Variants in RELN observed in about 807,000 individuals in gnomAD.
RELN encodes the protein reelin.
RELN carries 108 observed loss-of-function variants against 427.6 expected under a neutral mutation model. That is an observed-to-expected ratio of 0.25 (90% CI 0.22 to 0.30). The LOEUF is 0.30. Among genes scored for constraint, RELN ranks in the 10% least tolerant of loss-of-function variants. The pLI is 1.00. For missense variants in RELN, 3,715 were observed against 4,302.8 expected (o/e 0.86, Z 3.82); for synonymous variants, 1,524 against 1,513.4 (o/e 1.01, Z -0.16).
chr7:103,490,740 G>C lies in RELN; in HGVS notation c.9533C>G (p.Thr3178Ser), dbSNP rs765348857. The change falls in exon 59 of 65, where the codon ACC becomes AGC. Residue 3178 changes from threonine to serine, a missense_variant. By Grantham distance (58) the Thr-to-Ser change is moderately conservative (BLOSUM62 1). Coordinates refer to ENST00000428762, the MANE Select transcript of RELN (RefSeq NM_005045.4). Reference sequence around the variant, plus strand: ...TGAGCTGTTGACAGAGTTGTAGATGGTGGCTTCATGGAACTGGAAAGGGGA... The same window carrying C: ...TGAGCTGTTGACAGAGTTGTAGATGCTGGCTTCATGGAACTGGAAAGGGGA... ...GCSPFQFHEA[T>S]IYNSVNSSSW... 1.2e-6 allele frequency: 2 copies of C among 1,614,210 alleles called. No homozygotes were observed. The highest frequency in any genetic ancestry group is 2.2e-5 in the South Asian group (2 of 91,082).
intron 28 of RELN, among the ~76,000 whole-genome samples, chr7:103,588,195 A>G (rs1831322636): frequency 6.6e-6 from 1 of 152,200 alleles, no homozygotes; most frequent in Non-Finnish European, 1.5e-5. Flanking sequence ...GCCATAGAGA[A>G]GAATGAAATC....
chr7:103,910,231 A>G (rs1382879463), intron 2 of RELN, among the ~76,000 whole-genome samples: 4 of 137,358 alleles, frequency 2.9e-5, no homozygotes, highest in African/African-American at 1.1e-4. Flanking sequence ...GTTGGTGTAT[A>G]AGAATGCTTG....
intron 41 of RELN, among the ~76,000 whole-genome samples, chr7:103,546,825 A>T (rs552243506): frequency 6.6e-6 from 1 of 152,348 alleles, no homozygotes; most frequent in Admixed American, 6.5e-5. Context: ...ATTTTATCTC[A>T]TCAGAAACAG....
In RELN at chr7:103,944,820, G is replaced by C. The variant is rs527530195; in HGVS notation, c.227-27635C>G. On this transcript the variant is annotated intron_variant, in intron 1 of 64. Coordinates refer to ENST00000428762, the MANE Select transcript of RELN (RefSeq NM_005045.4). Reference sequence around the variant, plus strand: ...GAAACCACTGAAAATCCTGACACTGGCTACGCTTTGGGTGTTTGATATGGC... The same window carrying C: ...GAAACCACTGAAAATCCTGACACTGCCTACGCTTTGGGTGTTTGATATGGC... 5.3e-5 allele frequency among the ~76,000 whole-genome samples: 8 copies of C among 152,184 alleles called. No individual in the cohort carries two copies. The South Asian group carries it at 1.2e-3, about 24-fold the overall frequency.
At chr7:103,693,311 A>T (rs1401335565) in intron 10 of RELN, among the ~76,000 whole-genome samples, 2 of 115,942 alleles carry the variant, frequency 1.7e-5, no homozygotes, top group Non-Finnish European at 3.3e-5. Flanking sequence ...ACATGGACAC[A>T]GGGAGGGGAA....
Position 103,634,438 on chromosome 7 carries a change from T to C in RELN, c.2465+987A>G, listed in dbSNP as rs1019404371. Among the ~76,000 whole-genome samples, 4 of 152,200 alleles carry C rather than the reference T, an allele frequency of 2.6e-5. No homozygotes were observed. The East Asian group carries it at 7.7e-4, about 29-fold the overall frequency. ...TGAGTAGCTCAATAAGTTTTAGGAG[T>C]GGAAAGGATCTTTTAGACACACCTA... On this transcript the variant is annotated intron_variant, in intron 19 of 64. Transcript: ENST00000428762.
At chr7:103,708,836 C>T (rs1789712805) in intron 8 of RELN, among the ~76,000 whole-genome samples, 1 of 152,116 alleles carries the variant, frequency 6.6e-6, no homozygotes, top group African/African-American at 2.4e-5. Context: ...AGAGGCCTTA[C>T]CCTGGCCACC....
chr7:103,707,217 G>A (rs1476752186), intron 8 of RELN, among the ~76,000 whole-genome samples: 1 of 151,906 alleles, frequency 6.6e-6, no homozygotes, highest in African/African-American at 2.4e-5. Context: ...AGATCAATGT[G>A]AGACCCTCCT....
At position 103,561,961 on chromosome 7, in the gene RELN, A is replaced by T. The variant is rs763806459; in HGVS notation, c.5211-8T>A. On this transcript the variant is annotated splice_polypyrimidine_tract_variant and splice_region_variant and intron_variant, in intron 34 of 64. Transcript: ENST00000428762. ...AACCGGGTCCTGGGAGAACTAACCA[A>T]AAAAAAAAAAAAAAAAACACACCAC... The T allele has an allele frequency of 1.1e-5, 5 of 441,262 alleles. No homozygotes were observed. In the Admixed American group the frequency reaches 2.0e-4, roughly 18 times the overall value. The allele number at this position is 441,262 out of a possible 1,614,324, so 27.3% of individuals were successfully genotyped here. A position where few individuals can be genotyped will look rare whatever the true frequency, so the allele number is the denominator to read the frequency against.
rs184614468 is a variant in RELN at position 103,968,464 on chromosome 7, G to A, written c.226+20667C>T. Among the ~76,000 whole-genome samples the A allele has an allele frequency of 2.1e-4, 32 of 152,132 alleles. No individual in the cohort carries two copies. The highest frequency in any genetic ancestry group is 7.5e-4 in the African/African-American group (31 of 41,500). On this transcript the variant is annotated intron_variant, in intron 1 of 64. Transcript: ENST00000428762. The surrounding 1 kb of genome is among the most constrained non-coding windows in gnomAD (Gnocchi z 4.3). ...ATGCGTTGCTACTGAGGACTAACTGGTGGCCTATGAGAAATTAGGGGACAG... is the reference window on the plus strand; with the variant it reads ...ATGCGTTGCTACTGAGGACTAACTGATGGCCTATGAGAAATTAGGGGACAG...
chr7:103,826,319 A>AGTGT (rs768090469), intron 3 of RELN, among the ~76,000 whole-genome samples: 4,545 of 137,534 alleles, frequency 0.033, 93 homozygotes, highest in Middle Eastern at 0.063. Context: ...AGACTAAGAC[A>AGTGT]ATGTGTGTGT....
chr7:103,945,330 A>G (rs753516744), intron 1 of RELN, among the ~76,000 whole-genome samples: 6 of 152,140 alleles, frequency 3.9e-5, no homozygotes, highest in Non-Finnish European at 8.8e-5. Flanking sequence ...ATAATCCATT[A>G]TTACAGAGAT....
chr7:103,631,286 C>CTTTTTTTGT (rs1832459965), intron 19 of RELN, among the ~76,000 whole-genome samples: 1 of 77,812 alleles, frequency 1.3e-5, no homozygotes, highest in African/African-American at 5.0e-5. Context: ...AAAAACACTT[C>CTTTTTTTGT]TTTTTTTTTT....
intron 28 of RELN, among the ~76,000 whole-genome samples, chr7:103,583,554 G>C (rs1287916966): frequency 6.6e-6 from 1 of 152,216 alleles, no homozygotes; most frequent in Non-Finnish European, 1.5e-5. Flanking sequence ...AAGTTTAGAA[G>C]ATTCCAGTTC....
At position 103,640,809 on chromosome 7, in the gene RELN, C is replaced by G. The variant is rs186140142; in HGVS notation, c.2003-200G>C. Among the ~76,000 whole-genome samples, 117 of 152,200 alleles carry G rather than the reference C, an allele frequency of 7.7e-4. No individual in the cohort carries two copies. The highest frequency in any genetic ancestry group is 2.4e-3 in the African/African-American group (98 of 41,542). Reference sequence around the variant, plus strand: ...ACAGTCACAAGTTATACAGATAATCCTTTTAAGATTTTAACATTTCATATC... The same window carrying G: ...ACAGTCACAAGTTATACAGATAATCGTTTTAAGATTTTAACATTTCATATC... On this transcript the variant is annotated intron_variant, in intron 16 of 64. Transcript: ENST00000428762. This position sits in a 1 kb window ranked among gnomAD's most constrained non-coding sequence, Gnocchi z 4.1.
chr7:103,539,275 G>A lies in RELN; in HGVS notation c.6983C>T (p.Thr2328Ile). 6.2e-7 allele frequency: 1 copy of A among 1,614,186 alleles called. No homozygotes were observed. Among genetic ancestry groups the A allele is most frequent in the Non-Finnish European group, 8.5e-7 (1 of 1,180,006 alleles). ...CAGCCATTTCCTACTATCAAGGGTT[G>A]TGAAATCATCTTCCAAGACCGTATT... The part of the protein sequence containing the change: ...SGNTVLEDDF[T>I]TLDSRKWLLH... The change falls in exon 45 of 65, where the codon ACA (threonine) becomes ATA (isoleucine). Residue 2328 changes from threonine to isoleucine, a missense_variant. By Grantham distance (89) the Thr-to-Ile change is moderately conservative. Coordinates refer to ENST00000428762, the MANE Select transcript of RELN (RefSeq NM_005045.4).
intron 64 of RELN, among the ~76,000 whole-genome samples, chr7:103,474,930 C>T (rs2116951882): frequency 6.6e-6 from 1 of 152,196 alleles, no homozygotes; most frequent in East Asian, 1.9e-4. Context: ...TTTTGCACAC[C>T]AGATTCAGTA....
intron 16 of RELN, among the ~76,000 whole-genome samples, chr7:103,647,734 T>G (rs1832826117): frequency 6.6e-6 from 1 of 151,708 alleles, no homozygotes; most frequent in East Asian, 1.9e-4. Flanking sequence ...CAAAAGAAAG[T>G]GAATAGCCAA....
At position 103,593,865 on chromosome 7, in the gene RELN, T is replaced by C. The variant is rs1415007265; in HGVS notation, c.3729A>G (p.Pro1243=). 1 of 1,613,490 alleles carries C rather than the reference T, an allele frequency of 6.2e-7. No individual in the cohort carries two copies. The highest frequency in any genetic ancestry group is 8.5e-7 in the Non-Finnish European group (1 of 1,179,540). The change falls in exon 27 of 65, where the codon CCA becomes CCG. Residue 1243 remains proline (P), a synonymous_variant. Transcript: ENST00000428762. ...TCTGATTCATAGGGTAATCAAAAGCTGGCTTCTCATAAAAGTTCTAATAGA... is the reference window on the plus strand; with the variant it reads ...TCTGATTCATAGGGTAATCAAAAGCCGGCTTCTCATAAAAGTTCTAATAGA... The part of the protein sequence containing the change: ...PTLPQNFYEK[P]AFDYPMNQMS...
Sources: allele counts gnomAD v4.1 joint callset (sites outside exome capture counted in the v4.1 genomes callset), GRCh38; gene constraint gnomAD v4.1.1; non-coding constraint Gnocchi (gnomAD v3.1); transcripts MANE v1.5; gene names NCBI Gene and HGNC (gene_info 2026-07-23, HGNC 2026-07-21).